CSGALNACT1: variants seen among roughly 807,000 people sequenced by gnomAD.
CSGALNACT1 encodes the protein beta4GalNAcT-1.
CSGALNACT1 carries 52 observed loss-of-function variants against 51.0 expected under a neutral mutation model. That is an observed-to-expected ratio of 1.02 (90% confidence interval 0.82 to 1.29). The LOEUF (loss-of-function observed/expected upper bound fraction) is 1.29. CSGALNACT1 is among the 50% of genes most tolerant of loss of function. CSGALNACT1 has a pLI of 0.00. For synonymous variants in CSGALNACT1, 341 were observed against 254.4 expected (o/e 1.34, Z -3.24); for missense variants, 935 against 679.2 (o/e 1.38, Z -4.19).
exon 10 of CSGALNACT1, chr8:19,404,490 C>G (rs908132467): frequency 2.2e-6 from 1 of 453,476 alleles, no homozygotes; most frequent in Non-Finnish European, 4.4e-6. Context: ...TCTTGGTGAT[C>G]GAGTAGAACT....
chr8:19,442,728 A>AAG (rs1491072369), intron 5 of CSGALNACT1, among the ~76,000 whole-genome samples: 3 of 151,640 alleles, frequency 2.0e-5, no homozygotes. Flanking sequence ...AAAAAAAAAA[A>AAG]AGACTATGAA....
chr8:19,748,610 G>T (rs568200258), intron 1 of CSGALNACT1, among the ~76,000 whole-genome samples: 5 of 152,186 alleles, frequency 3.3e-5, no homozygotes, highest in African/African-American at 1.2e-4. Context: ...CAATGACTCA[G>T]CAAACCCCTC....
At chr8:19,507,801 T>C (rs1348702738) in intron 3 of CSGALNACT1, among the ~76,000 whole-genome samples, 1 of 152,208 alleles carries the variant, frequency 6.6e-6, no homozygotes, top group East Asian at 1.9e-4. Flanking sequence ...CTAATGTTTT[T>C]GTATTTTAGT....
At chr8:19,633,268 T>C (rs978125250) in intron 1 of CSGALNACT1, among the ~76,000 whole-genome samples, 2 of 152,074 alleles carry the variant, frequency 1.3e-5, no homozygotes, top group Non-Finnish European at 1.5e-5. Flanking sequence ...TCTAATACAG[T>C]ATGAGTCATT....
intron 6 of CSGALNACT1, among the ~76,000 whole-genome samples, chr8:19,421,831 C>T (rs2057999157): frequency 6.6e-6 from 1 of 152,062 alleles, no homozygotes; most frequent in South Asian, 2.1e-4. Flanking sequence ...ATCAGTGAGC[C>T]CATGTCAGAG....
At chr8:19,492,040 A>G (rs1344367139) in intron 4 of CSGALNACT1, among the ~76,000 whole-genome samples, 1 of 152,246 alleles carries the variant, frequency 6.6e-6, no homozygotes, top group Non-Finnish European at 1.5e-5. Flanking sequence ...TCATAACTTA[A>G]GTAGGTTCAG....
chr8:19,698,984 C>A (rs1158844729), intron 1 of CSGALNACT1, among the ~76,000 whole-genome samples: 1 of 152,120 alleles, frequency 6.6e-6, no homozygotes, highest in Non-Finnish European at 1.5e-5. Flanking sequence ...ACTCATAATA[C>A]CTGACGCAAT....
At chr8:19,619,989 A>AC (rs2053605073) in intron 1 of CSGALNACT1, among the ~76,000 whole-genome samples, 2 of 152,138 alleles carry the variant, frequency 1.3e-5, no homozygotes, top group Admixed American at 1.3e-4. Flanking sequence ...AATGGGACCT[A>AC]CCCGAAGAGA....
chr8:19,523,818 A>G (rs532409219), intron 3 of CSGALNACT1, among the ~76,000 whole-genome samples: 1 of 152,300 alleles, frequency 6.6e-6, no homozygotes, highest in South Asian at 2.1e-4. Flanking sequence ...AACAATGTTT[A>G]TGTCAAGGGA....
intron 1 of CSGALNACT1, among the ~76,000 whole-genome samples, chr8:19,630,682 C>G (rs1361826141): frequency 6.6e-6 from 1 of 152,192 alleles, no homozygotes. Context: ...TTTGCTGTCT[C>G]TATAGTTTTA....
intron 1 of CSGALNACT1, among the ~76,000 whole-genome samples, chr8:19,695,601 A>G (rs1002039411): frequency 6.6e-6 from 1 of 152,246 alleles, no homozygotes; most frequent in Non-Finnish European, 1.5e-5. Context: ...AAATAAAAAC[A>G]TGGCGTTTAG....
intron 1 of CSGALNACT1, among the ~76,000 whole-genome samples, chr8:19,638,075 C>T (rs567691301): frequency 7.0e-4 from 104 of 148,094 alleles, no homozygotes; most frequent in African/African-American, 2.5e-3. Context: ...CCTTGACAAC[C>T]AACCTAAACT....
chr8:19,601,959 G>T (rs868715963), intron 1 of CSGALNACT1, 94 bp from the exon 2 acceptor site: 2 of 441,264 alleles, frequency 4.5e-6, no homozygotes, highest in African/African-American at 4.1e-5. Flanking sequence ...AAATCACTTA[G>T]TATATAAAAT....
chr8:19,617,345 G>A (rs2053174090), intron 1 of CSGALNACT1, among the ~76,000 whole-genome samples: 1 of 152,194 alleles, frequency 6.6e-6, no homozygotes, highest in African/African-American at 2.4e-5. Context: ...GTACGAGTCT[G>A]TGGCCCAGTG....
intron 1 of CSGALNACT1, among the ~76,000 whole-genome samples, chr8:19,660,163 T>C (rs1015601613): frequency 2.0e-5 from 3 of 152,198 alleles, no homozygotes; most frequent in Non-Finnish European, 2.9e-5. Flanking sequence ...CACAATTCCA[T>C]ACCCACATCG....
intron 1 of CSGALNACT1, among the ~76,000 whole-genome samples, chr8:19,667,026 AGG>A (rs2059397455): frequency 2.6e-4 from 10 of 38,494 alleles, no homozygotes; most frequent in African/African-American, 1.1e-3. Flanking sequence ...AAAGGAAGGA[AGG>A]AAGGAAGGAA....
intron 2 of CSGALNACT1, among the ~76,000 whole-genome samples, chr8:19,594,711 T>A (rs1424430564): frequency 3.2e-5 from 4 of 126,980 alleles, no homozygotes; most frequent in Admixed American, 2.3e-4. Context: ...GCCTGGCTAA[T>A]TTTTTTTTTT....
chr8:19,433,445 A>G (rs886141454), intron 6 of CSGALNACT1, among the ~76,000 whole-genome samples: 1 of 152,180 alleles, frequency 6.6e-6, no homozygotes, highest in Non-Finnish European at 1.5e-5. Context: ...ATGAATATCT[A>G]ATCTCCCAGT....
chr8:19,644,404 C>T (rs78161126), intron 1 of CSGALNACT1, among the ~76,000 whole-genome samples: 6 of 133,560 alleles, frequency 4.5e-5, no homozygotes, highest in African/African-American at 1.7e-4. Flanking sequence ...CTTAACCTCT[C>T]AAAAAAAAAA....
Sources: allele counts gnomAD v4.1 joint callset (sites outside exome capture counted in the v4.1 genomes callset), GRCh38; gene constraint gnomAD v4.1.1; transcripts MANE v1.5; gene names NCBI Gene and HGNC (gene_info 2026-07-23, HGNC 2026-07-21).